DCC: variants seen among roughly 807,000 people sequenced by gnomAD.
DCC encodes the protein DCC netrin 1 receptor.
DCC carries 58 observed loss-of-function variants against 172.5 expected under a neutral mutation model. The ratio of observed to expected loss-of-function variants is 0.34; its 90% CI spans 0.27 to 0.42. The LOEUF (loss-of-function observed/expected upper bound fraction) is 0.42, where lower values mean the gene tolerates loss of function less well. DCC is among the 10% of genes least tolerant of loss of function. DCC has a pLI of 1.00. For missense variants in DCC, 1,740 were observed against 1,791.0 expected (o/e 0.97, Z 0.51); for synonymous variants, 709 against 644.5 (o/e 1.10, Z -1.52).
At chr18:53,118,824 G>A (rs1161710865) in intron 7 of DCC, among the ~76,000 whole-genome samples, 3 of 151,534 alleles carry the variant, frequency 2.0e-5, no homozygotes, top group Non-Finnish European at 4.4e-5. Flanking sequence ...AAAGCCTGTC[G>A]GGAGGCATTT....
chr18:52,608,265 G>C (rs2034177825), intron 1 of DCC, among the ~76,000 whole-genome samples: 1 of 152,116 alleles, frequency 6.6e-6, no homozygotes, highest in African/African-American at 2.4e-5. Context: ...GCAAAGCAAT[G>C]GAATTTGGGG....
intron 1 of DCC, among the ~76,000 whole-genome samples, chr18:52,610,523 T>C (rs905479253): frequency 6.6e-6 from 1 of 151,168 alleles, no homozygotes; most frequent in Non-Finnish European, 1.5e-5. Flanking sequence ...GTTAGTTTTA[T>C]TCAAGGATAA....
At chr18:53,454,100 C>G (rs941852074) in intron 23 of DCC, among the ~76,000 whole-genome samples, 1 of 152,164 alleles carries the variant, frequency 6.6e-6, no homozygotes, top group African/African-American at 2.4e-5. Flanking sequence ...GTAACCCCAG[C>G]CTTTTGGGAG....
At position 53,512,850 on chromosome 18, in the gene DCC, G is replaced by GTGA. The variant is rs553426724; in HGVS notation, c.4111+13343_4111+13345dup. On this transcript the variant is annotated intron_variant, in intron 27 of 28. Transcript: ENST00000442544. ...CTACGTCTGATTGGTGTACCTGAAAGTGATGGGGAGAATGGAACCAAGTTG... is the reference window on the plus strand; with the variant it reads ...CTACGTCTGATTGGTGTACCTGAAAGTGATGATGGGGAGAATGGAACCAAGTTG... Among the ~76,000 whole-genome samples, 330 of 152,180 alleles carry GTGA rather than the reference G, an allele frequency of 2.2e-3. 3 individuals are homozygous for GTGA. The highest frequency in any genetic ancestry group is 7.8e-3 in the African/African-American group (323 of 41,438).
chr18:53,096,951 A>G (rs2043096862), intron 7 of DCC, among the ~76,000 whole-genome samples: 1 of 152,186 alleles, frequency 6.6e-6, no homozygotes, highest in African/African-American at 2.4e-5. Context: ...AAAGCTAGAT[A>G]ATGTAGTTAA....
At chr18:52,844,421 C>T (rs1292441838) in intron 2 of DCC, among the ~76,000 whole-genome samples, 2 of 152,140 alleles carry the variant, frequency 1.3e-5, no homozygotes, top group African/African-American at 2.4e-5. Context: ...ATCATCTTTA[C>T]CTTGGTCTCA....
At chr18:52,473,650 T>A (rs2144565758) in intron 1 of DCC, among the ~76,000 whole-genome samples, 1 of 152,286 alleles carries the variant, frequency 6.6e-6, no homozygotes, top group Non-Finnish European at 1.5e-5. Flanking sequence ...TCGTGAGAAC[T>A]AACTCACTAT....
chr18:53,018,772 A>C (rs1222896655), intron 5 of DCC, among the ~76,000 whole-genome samples: 2 of 152,188 alleles, frequency 1.3e-5, no homozygotes, highest in Non-Finnish European at 2.9e-5. Context: ...TGAATAAAAC[A>C]TGCTCTTTGC....
intron 9 of DCC, among the ~76,000 whole-genome samples, chr18:53,191,364 A>G (rs1286825620): frequency 6.6e-6 from 1 of 152,156 alleles, no homozygotes; most frequent in Non-Finnish European, 1.5e-5. Context: ...TTTAAATTAA[A>G]CAGCTTGATT....
intron 1 of DCC, among the ~76,000 whole-genome samples, chr18:52,465,383 T>C (rs1323158499): frequency 1.3e-5 from 2 of 152,162 alleles, no homozygotes. Context: ...CCCGTTTCTC[T>C]TGGGTAAATT....
intron 23 of DCC, among the ~76,000 whole-genome samples, chr18:53,452,797 G>A (rs1050364533): frequency 7.2e-5 from 11 of 152,128 alleles, no homozygotes; most frequent in African/African-American, 1.2e-4. Context: ...TAGCAGACCC[G>A]TTGGCATTCA....
chr18:52,638,735 TAGAC>T (rs1325119633), intron 1 of DCC, among the ~76,000 whole-genome samples: 1 of 151,276 alleles, frequency 6.6e-6, no homozygotes, highest in Non-Finnish European at 1.5e-5. Context: ...AGAAATGAGA[TAGAC>T]AGCAACACAG....
At chr18:53,208,290 T>TATATGTATATATGTATATAC (rs1205278028) in intron 11 of DCC, among the ~76,000 whole-genome samples, 1 of 151,446 alleles carries the variant, frequency 6.6e-6, no homozygotes. Context: ...TAAATAAATA[T>TATATGTATATATGTATATAC]ATATGTATAT....
chr18:52,932,800 TAAAC>T (rs2040326693), intron 5 of DCC, among the ~76,000 whole-genome samples: 1 of 151,654 alleles, frequency 6.6e-6, no homozygotes, highest in African/African-American at 2.4e-5. Flanking sequence ...TACATATACA[TAAAC>T]ATAGTATATA....
rs367725121 is a variant in DCC, at chr18:52,687,594, T to C, written c.92-64460T>C. Among the ~76,000 whole-genome samples the C allele has an allele frequency of 5.9e-5, 9 of 152,138 alleles. No homozygotes were observed. The East Asian group carries it at 7.8e-4, about 13-fold the overall frequency. ...CTATTTTTAAAGTGTGTAGATACTT[T>C]TGCAAATAAATGTAGTTAACGTATA... is the stretch of plus-strand genomic sequence containing the variant. On this transcript the variant is annotated intron_variant, in intron 1 of 28. Coordinates refer to ENST00000442544, the MANE Select transcript of DCC (RefSeq NM_005215.4).
At chr18:52,737,374 T>C (rs769085996) in intron 1 of DCC, among the ~76,000 whole-genome samples, 25 of 152,094 alleles carry the variant, frequency 1.6e-4, no homozygotes, top group Non-Finnish European at 3.2e-4. Flanking sequence ...AAAACTCTAC[T>C]GTGCAACAGC....
chr18:53,199,689 G>C lies in DCC; in HGVS notation c.1574-5527G>C, dbSNP rs558830912. Among the ~76,000 whole-genome samples, 8 of 152,012 alleles carry C rather than the reference G, an allele frequency of 5.3e-5. 1 individual carries two copies. The South Asian group carries it at 1.7e-3, about 32-fold the overall frequency. On this transcript the variant is annotated intron_variant, in intron 9 of 28. Coordinates refer to ENST00000442544, the MANE Select transcript of DCC (RefSeq NM_005215.4). Reference sequence around the variant, plus strand: ...TTTGAATTTCTGGCATTTTTGTGAAGATGAGTAAGCATTTAATAGCTCAAG... The same window carrying C: ...TTTGAATTTCTGGCATTTTTGTGAACATGAGTAAGCATTTAATAGCTCAAG...
intron 2 of DCC, among the ~76,000 whole-genome samples, chr18:52,865,627 TTTGA>T (rs2039214680): frequency 6.6e-6 from 1 of 152,042 alleles, no homozygotes; most frequent in African/African-American, 2.4e-5. Flanking sequence ...TTTTTTTATG[TTTGA>T]TAGCCGCCTA....
intron 2 of DCC, among the ~76,000 whole-genome samples, chr18:52,778,076 C>T (rs1171524220): frequency 1.3e-5 from 2 of 152,126 alleles, no homozygotes; most frequent in Non-Finnish European, 2.9e-5. Flanking sequence ...CGAAGCAAAT[C>T]GTGGCAAAAG....
Sources: allele counts gnomAD v4.1 joint callset (sites outside exome capture counted in the v4.1 genomes callset), GRCh38; gene constraint gnomAD v4.1.1; transcripts MANE v1.5; gene names NCBI Gene and HGNC (gene_info 2026-07-23, HGNC 2026-07-21).